TMEM181: variants seen among roughly 807,000 people sequenced by gnomAD.
TMEM181 encodes the protein G protein-coupled receptor 178.
Under a neutral mutation model 71.9 loss-of-function variants are expected in TMEM181, and 39 were observed. That is an observed-to-expected ratio of 0.54 (90% CI 0.42 to 0.71). The LOEUF is 0.71. Ranked by LOEUF, TMEM181 falls within the 30% of genes least tolerant of loss-of-function variation. TMEM181 has a pLI of 0.00. For missense variants in TMEM181, 595 were observed against 583.0 expected, an observed-to-expected ratio of 1.02 and a Z score of -0.21; for synonymous variants, 245 against 228.8, an observed-to-expected ratio of 1.07 and a Z score of -0.64.
chr6:158,605,131 AGTGTGT>A lies in TMEM181; in HGVS notation c.493-113_493-108del, dbSNP rs71030178. The A allele has an allele frequency of 2.5e-3, 406 of 161,116 alleles. 2 individuals are homozygous for A. The highest frequency in any genetic ancestry group is 4.8e-3 in the Middle Eastern group (2 of 416). The allele number at this position is 161,116 out of a possible 1,614,324, so 10.0% of individuals were successfully genotyped here. ...TCCATATCCAAAAAAAAAAAAAAAA[AGTGTGT>A]GTGTGTGTGTGTGTGTGTGTGTATG... On this transcript the variant is annotated intron_variant, in intron 6 of 16. Transcript: ENST00000684151.
intron 6 of TMEM181, among the ~76,000 whole-genome samples, chr6:158,592,438 A>G (rs2128306952): frequency 6.6e-6 from 1 of 151,558 alleles, no homozygotes; most frequent in South Asian, 2.1e-4. Context: ...TGAGCCCAGG[A>G]GTTCGAGACC....
In TMEM181 at chr6:158,585,378, A is replaced by G. The variant is rs773550349; in HGVS notation, c.334A>G (p.Ile112Val). ...AGCTCAAGATGGAACCACGATGTACATTCATAACAAAGTTCACAACCGGAC... is the reference window on the plus strand; with the variant it reads ...AGCTCAAGATGGAACCACGATGTACGTTCATAACAAAGTTCACAACCGGAC... ...GVAQDGTTMY[I>V]HNKVHNRTRT... Residue 112 changes from isoleucine to valine, a missense_variant, in exon 5 of 17, where the codon ATT (isoleucine) becomes GTT (valine). Coordinates refer to ENST00000684151, the MANE Select transcript of TMEM181 (RefSeq NM_001376852.1). 1 of 1,612,478 alleles carries G rather than the reference A, an allele frequency of 6.2e-7. No homozygotes were observed. The highest frequency in any genetic ancestry group is 8.5e-7 in the Non-Finnish European group (1 of 1,179,692).
chr6:158,575,237 T>A (rs567997112), intron 2 of TMEM181, among the ~76,000 whole-genome samples: 1 of 152,356 alleles, frequency 6.6e-6, no homozygotes, highest in African/African-American at 2.4e-5. Flanking sequence ...TGTGATAAGG[T>A]TATTACTATT....
At chr6:158,559,311 A>G (rs1176240255), upstream of TMEM181, among the ~76,000 whole-genome samples, 2 of 152,144 alleles carry the variant, frequency 1.3e-5, no homozygotes, top group Non-Finnish European at 2.9e-5. Flanking sequence ...TTCCTTATTC[A>G]TGTCCACACT....
chr6:158,566,810 T>A (rs1289399218), intron 1 of TMEM181, among the ~76,000 whole-genome samples: 3 of 151,966 alleles, frequency 2.0e-5, no homozygotes, highest in Admixed American at 2.0e-4. Context: ...TTCCAGCTCC[T>A]GTCTCATTTG....
Position 158,631,250 on chromosome 6 carries a change from C to T in TMEM181, c.1283-73C>T, listed in dbSNP as rs1418574029. On this transcript the variant is annotated intron_variant, in intron 15 of 16. Coordinates refer to ENST00000684151, the MANE Select transcript of TMEM181 (RefSeq NM_001376852.1). ...TTCTTTCCAACTCCCTTCCTTTGTC[C>T]GGGACAGCATCCTGCCTGTCCAGGC... The T allele has an allele frequency of 2.5e-5, 38 of 1,512,408 alleles. No homozygotes were observed. The East Asian group carries it at 3.8e-4, about 15-fold the overall frequency. 93.7% of individuals were successfully genotyped at this position (1,512,408 alleles called of 1,614,324 possible). A position where few individuals can be genotyped will look rare whatever the true frequency, so the allele number is the denominator to read the frequency against.
At chr6:158,610,459 C>T in intron 10 of TMEM181, 1 of 302,632 alleles carries the variant, frequency 3.3e-6, no homozygotes, top group Non-Finnish European at 6.4e-6. Context: ...TGAAAGACAA[C>T]TTGGAATACA....
At chr6:158,585,628 G>T (rs983504610) in intron 5 of TMEM181, among the ~76,000 whole-genome samples, 4 of 152,092 alleles carry the variant, frequency 2.6e-5, no homozygotes, top group African/African-American at 9.7e-5. Flanking sequence ...TCTTATAAAC[G>T]TACACATGCA....
intron 1 of TMEM181, among the ~76,000 whole-genome samples, chr6:158,544,189 G>GTC (rs1554300413): frequency 6.7e-6 from 1 of 150,094 alleles, no homozygotes; most frequent in Middle Eastern, 3.2e-3. Flanking sequence ...GAGAGTGTGT[G>GTC]TGTGTGTGTG....
chr6:158,560,374 G>A (rs896002382), intron 1 of TMEM181, 142 bp downstream of exon 1: 10 of 951,976 alleles, frequency 1.1e-5, no homozygotes, highest in African/African-American at 7.1e-5. Context: ...GCGCTGAAGG[G>A]GGCTTCGCGG....
chr6:158,626,351 T>C, intron 13 of TMEM181: 1 of 456,148 alleles, frequency 2.2e-6, no homozygotes, highest in Non-Finnish European at 4.4e-6. Flanking sequence ...GGTAATTGCT[T>C]GGTGGTTTAT....
intron 16 of TMEM181, 105 bp downstream of exon 16, chr6:158,631,494 G>T: frequency 7.9e-7 from 1 of 1,265,418 alleles, no homozygotes; most frequent in Non-Finnish European, 1.1e-6. Flanking sequence ...AAGGTATGAA[G>T]GCATTTACCT....
At chr6:158,624,352 G>T (rs566649173) in intron 11 of TMEM181, among the ~76,000 whole-genome samples, 3 of 152,210 alleles carry the variant, frequency 2.0e-5, no homozygotes, top group Non-Finnish European at 4.4e-5. Context: ...AAATGATCCC[G>T]ATTCCTGCTG....
At position 158,578,346 on chromosome 6, in the gene TMEM181, A is replaced by G. The variant is rs535049227; in HGVS notation, c.113-2594A>G. 3.9e-5 allele frequency among the ~76,000 whole-genome samples: 6 copies of G among 152,200 alleles called. No homozygotes were observed. The South Asian group carries it at 6.2e-4, about 16-fold the overall frequency. Reference sequence around the variant, plus strand: ...TATAAAAGCTCATATTATTGTAACAATGGTGTATAACTCCATTTTTTTTGT... The same window carrying G: ...TATAAAAGCTCATATTATTGTAACAGTGGTGTATAACTCCATTTTTTTTGT... On this transcript the variant is annotated intron_variant, in intron 2 of 16. Coordinates refer to ENST00000684151, the MANE Select transcript of TMEM181 (RefSeq NM_001376852.1).
rs779118688 is a variant in TMEM181 at position 158,585,389 on chromosome 6, A to AGTTCACAACCGGACAAGGAC, written c.346_365dup (p.Leu123PhefsTer25). On this transcript the variant is annotated frameshift_variant, in exon 5 of 17. Coordinates refer to ENST00000684151, the MANE Select transcript of TMEM181 (RefSeq NM_001376852.1). LOFTEE classifies it high-confidence loss of function. ...GAACCACGATGTACATTCATAACAA[A>AGTTCACAACCGGACAAGGAC]GTTCACAACCGGACAAGGACCCTCA... 1 of 1,612,118 alleles carries AGTTCACAACCGGACAAGGAC rather than the reference A, an allele frequency of 6.2e-7. No homozygotes were observed.
At chr6:158,568,955 G>C (rs9355246) in intron 1 of TMEM181, among the ~76,000 whole-genome samples, 98,183 of 152,078 alleles carry the variant, frequency 0.65, 32,005 homozygotes, top group East Asian at 0.76. Flanking sequence ...TCTGAAGTCT[G>C]TGGTTTTTTG....
intron 13 of TMEM181, among the ~76,000 whole-genome samples, chr6:158,626,026 A>G (rs554728923): frequency 2.0e-4 from 31 of 152,304 alleles, no homozygotes; most frequent in Admixed American, 1.0e-3. Context: ...GCCACCTGCT[A>G]TGTGTGCAGC....
At chr6:158,581,866 C>T (rs1422923297) in intron 3 of TMEM181, among the ~76,000 whole-genome samples, 1 of 151,460 alleles carries the variant, frequency 6.6e-6, no homozygotes, top group Non-Finnish European at 1.5e-5. Flanking sequence ...CCTGTGAGAG[C>T]CCAGACAACT....
intron 2 of TMEM181, among the ~76,000 whole-genome samples, chr6:158,576,754 C>T (rs1783181683): frequency 6.6e-6 from 1 of 152,054 alleles, no homozygotes; most frequent in Admixed American, 6.6e-5. Flanking sequence ...ATTTAAGTGT[C>T]CACTTTTAAA....
Sources: allele counts gnomAD v4.1 joint callset (sites outside exome capture counted in the v4.1 genomes callset), GRCh38; gene constraint gnomAD v4.1.1; transcripts MANE v1.5; gene names NCBI Gene and HGNC (gene_info 2026-07-23, HGNC 2026-07-21).